PNPLA1: variants seen among roughly 807,000 people sequenced by gnomAD.
PNPLA1 encodes patatin like domain 1, omega-hydroxyceramide transacylase.
In PNPLA1, 36 loss-of-function variants were observed where a neutral mutation model predicts 51.7. That is an observed-to-expected ratio of 0.70 (90% CI 0.53 to 0.92). PNPLA1 has a LOEUF of 0.92. Among genes scored for constraint, PNPLA1 ranks in the 40% least tolerant of loss-of-function variants. The pLI is 0.00. For missense variants in PNPLA1, 658 were observed against 682.5 expected (o/e 0.96, Z 0.40); for synonymous variants, 293 against 280.1 (o/e 1.05, Z -0.46).
Position 36,287,289 on chromosome 6 carries a change from T to C in PNPLA1, c.206-4031T>C, listed in dbSNP as rs940668961. 3.0e-4 allele frequency among the ~76,000 whole-genome samples: 45 copies of C among 152,064 alleles called. 1 individual carries two copies. Among genetic ancestry groups the C allele is most frequent in the Non-Finnish European group, 4.3e-4 (29 of 68,016 alleles). ...GGGGAGGTTTCTGAGGAGCTTCCTA[T>C]GGGCAAAGCTCAGTGACAGGCTATT... On this transcript the variant is annotated intron_variant, in intron 1 of 8. Coordinates refer to ENST00000636260, the MANE Select transcript of PNPLA1 (RefSeq NM_001374623.1).
rs553579853 is a variant in PNPLA1 at position 36,311,833 on chromosome 6, C to T, written c.1666C>T (p.His556Tyr). ...GACAGTTTGGGTCACCTACAGACCT[C>T]ATCCCAGCCGGATCCAGGAATGCTG... ...SETVWVTYRP[H>Y]PSRIQECCPE... The change falls in exon 9 of 9, where the codon CAT (histidine) becomes TAT (tyrosine). Residue 556 changes from histidine to tyrosine, a missense_variant. By Grantham distance (83) the His-to-Tyr change is moderately conservative. Transcript: ENST00000636260. 1 of 152,890 alleles carries T rather than the reference C, an allele frequency of 6.5e-6. No homozygotes were observed. Among genetic ancestry groups the T allele is most frequent in the South Asian group, 2.1e-4 (1 of 4,830 alleles). The allele number at this position is 152,890 out of a possible 1,614,324, so 9.5% of individuals were successfully genotyped here. A position where few individuals can be genotyped will look rare whatever the true frequency, so the allele number is the denominator to read the frequency against.
intron 8 of PNPLA1, among the ~76,000 whole-genome samples, chr6:36,308,794 A>G (rs538783788): frequency 9.2e-5 from 14 of 152,264 alleles, no homozygotes; most frequent in African/African-American, 3.4e-4. Flanking sequence ...ATTCAAACCA[A>G]GTCGGGTATT....
intron 1 of PNPLA1, among the ~76,000 whole-genome samples, chr6:36,252,341 T>C (rs1769437856): frequency 6.6e-6 from 1 of 152,122 alleles, no homozygotes; most frequent in South Asian, 2.1e-4. Flanking sequence ...TTCTGTAACT[T>C]GCAGCCCAGA....
chr6:36,249,164 G>A (rs774449261), intron 1 of PNPLA1, among the ~76,000 whole-genome samples: 1 of 152,190 alleles, frequency 6.6e-6, no homozygotes, highest in African/African-American at 2.4e-5. Context: ...CAGGACATGA[G>A]TAAACATTAC....
chr6:36,249,286 T>C (rs1247307280), intron 1 of PNPLA1, among the ~76,000 whole-genome samples: 1 of 152,198 alleles, frequency 6.6e-6, no homozygotes, highest in African/African-American at 2.4e-5. Context: ...TAAAAAATAT[T>C]ATACACACTG....
intron 5 of PNPLA1, among the ~76,000 whole-genome samples, chr6:36,297,246 T>C (rs1468924373): frequency 1.3e-5 from 2 of 152,218 alleles, no homozygotes; most frequent in African/African-American, 4.8e-5. Context: ...TGCTTCCTCT[T>C]CCGATTTGCC....
Position 36,302,141 on chromosome 6 carries a change from G to T in PNPLA1, c.1056G>T (p.Gln352His), listed in dbSNP as rs1431642616. The T allele has an allele frequency of 6.2e-7, 1 of 1,614,182 alleles. No homozygotes were observed. Among genetic ancestry groups the T allele is most frequent in the South Asian group, 1.1e-5 (1 of 91,088 alleles). The change falls in exon 6 of 9, where the codon CAG becomes CAT. Residue 352 changes from glutamine (Q) to histidine (H), a missense_variant. Transcript: ENST00000636260. ...CAGCACCAGTCTCTCCACTTGAGCA[G>T]CCACCTGCACAGCCACTGGCCTCTT... is the stretch of plus-strand genomic sequence containing the variant. Reference protein sequence around the residue: ...PVSAPVSPLEQPPAQPLASST... With the variant: ...PVSAPVSPLEHPPAQPLASST...
At chr6:36,283,738 A>G (rs1317215026) in intron 1 of PNPLA1, among the ~76,000 whole-genome samples, 2 of 152,260 alleles carry the variant, frequency 1.3e-5, no homozygotes, top group Non-Finnish European at 2.9e-5. Flanking sequence ...CAGGATTGAC[A>G]GAGCACACTG....
chr6:36,255,117 A>G (rs1769502184), intron 1 of PNPLA1, among the ~76,000 whole-genome samples: 1 of 152,244 alleles, frequency 6.6e-6, no homozygotes, highest in East Asian at 1.9e-4. Context: ...CCGTAATCCC[A>G]GCACTTTGGG....
intron 1 of PNPLA1, among the ~76,000 whole-genome samples, chr6:36,245,859 A>G (rs565671197): frequency 2.0e-4 from 31 of 152,182 alleles, no homozygotes; most frequent in African/African-American, 7.0e-4. Context: ...CTCCCCGCAC[A>G]GTTTCACTCC....
Position 36,246,333 on chromosome 6 carries a change from T to C in PNPLA1, c.-81+3072T>C, listed in dbSNP as rs1330693308. On this transcript the variant is annotated intron_variant, in intron 1 of 7. Transcript: ENST00000312917. ...GATTCTCCCATCTCAGCCTCCCAAG[T>C]AGTTGGGATTACAGGTGCGCCCACC... Among the ~76,000 whole-genome samples the C allele has an allele frequency of 5.3e-5, 8 of 152,146 alleles. No homozygotes were observed. The East Asian group carries it at 1.5e-3, about 29-fold the overall frequency.
At chr6:36,267,697 A>G (rs1424941680), upstream of PNPLA1, among the ~76,000 whole-genome samples, 1 of 152,030 alleles carries the variant, frequency 6.6e-6, no homozygotes, top group Non-Finnish European at 1.5e-5. Context: ...CCTCCCCTCA[A>G]CATGACCCCA....
Position 36,302,083 on chromosome 6 carries a change from A to G in PNPLA1, c.998A>G (p.Gln333Arg), listed in dbSNP as rs369897469. 8.1e-5 allele frequency: 130 copies of G among 1,614,246 alleles called. 2 individuals are homozygous for G. The South Asian group carries it at 1.1e-3, about 14-fold the overall frequency. Residue 333 changes from glutamine (Q) to arginine (R), a missense_variant, in exon 6 of 9, where the codon CAG (glutamine) becomes CGG (arginine). Gln to Arg is a conservative substitution (Grantham distance 43, BLOSUM62 1). Coordinates refer to ENST00000636260, the MANE Select transcript of PNPLA1 (RefSeq NM_001374623.1). ...SHGPPVSQPVQTLEFTCESPV... is the reference protein window; with the variant it reads ...SHGPPVSQPVRTLEFTCESPV... ...GGTCCGCCTGTGTCCCAACCTGTGCAGACACTTGAATTCACATGCGAGTCA... is the reference window on the plus strand; with the variant it reads ...GGTCCGCCTGTGTCCCAACCTGTGCGGACACTTGAATTCACATGCGAGTCA...
intron 8 of PNPLA1, chr6:36,307,922 C>T (rs978137978): frequency 2.1e-6 from 1 of 486,756 alleles, no homozygotes; most frequent in Admixed American, 4.0e-5. Context: ...CTCCCTGAGC[C>T]TCCATTTCCT....
chr6:36,259,112 T>C (rs1769592864), intron 1 of PNPLA1, among the ~76,000 whole-genome samples: 1 of 152,128 alleles, frequency 6.6e-6, no homozygotes, highest in Non-Finnish European at 1.5e-5. Flanking sequence ...AAACTTGAGG[T>C]CTGAACCAAT....
intron 5 of PNPLA1, 90 bp from the exon 6 acceptor site, chr6:36,301,771 C>T (rs957509761): frequency 7.7e-5 from 113 of 1,476,330 alleles, no homozygotes; most frequent in Non-Finnish European, 9.8e-5. Flanking sequence ...AGCACTGTTC[C>T]TGTTTAGGAA....
At chr6:36,273,728 C>CAAAAAAAAAAAAAAAAAAAAAAAAA (rs57186870) in intron 1 of PNPLA1, among the ~76,000 whole-genome samples, 7 of 48,222 alleles carry the variant, frequency 1.5e-4, no homozygotes, top group South Asian at 1.5e-3. Context: ...GACCCCATCG[C>CAAAAAAAAAAAAAAAAAAAAAAAAA]AAAAAAAAAA....
upstream of PNPLA1, among the ~76,000 whole-genome samples, chr6:36,268,559 C>T (rs183678549): frequency 5.9e-5 from 9 of 152,288 alleles, no homozygotes; most frequent in East Asian, 1.7e-3. Context: ...CTCCTCCCAG[C>T]TGCCTCCAGT....
intron 1 of PNPLA1, among the ~76,000 whole-genome samples, chr6:36,258,993 C>T (rs1213880059): frequency 6.6e-6 from 1 of 152,198 alleles, no homozygotes; most frequent in Non-Finnish European, 1.5e-5. Flanking sequence ...CCTTTGGTCA[C>T]AATGCTCAGT....
Sources: allele counts gnomAD v4.1 joint callset (sites outside exome capture counted in the v4.1 genomes callset), GRCh38; gene constraint gnomAD v4.1.1; transcripts MANE v1.5; gene names NCBI Gene and HGNC (gene_info 2026-07-23, HGNC 2026-07-21).